DESI1: variants seen among roughly 807,000 people sequenced by gnomAD.
The protein encoded by DESI1 is desumoylating isopeptidase 1.
Under a neutral mutation model 22.4 loss-of-function variants are expected in DESI1, and 17 were observed. That is an observed-to-expected ratio of 0.76 (90% confidence interval 0.52 to 1.14). The LOEUF (loss-of-function observed/expected upper bound fraction) is 1.14. Ranked by LOEUF, DESI1 falls within the 50% of genes most tolerant of loss-of-function variation. The probability of loss-of-function intolerance (pLI) is 0.00; values close to 1 mark genes in which losing one functional copy is unlikely to be tolerated. For missense variants in DESI1, 177 were observed against 208.9 expected, an observed-to-expected ratio of 0.85 and a Z score of 0.94; for synonymous variants, 92 against 84.2, an observed-to-expected ratio of 1.09 and a Z score of -0.51.
chr22:41,614,450 A>C (rs984759033), intron 1 of DESI1, among the ~76,000 whole-genome samples: 1 of 151,276 alleles, frequency 6.6e-6, no homozygotes, highest in Non-Finnish European at 1.5e-5. Context: ...ACAGAGTCTC[A>C]CTTTGTTTCC....
Position 41,620,957 on chromosome 22 carries a change from G to T in DESI1, c.-118C>A. On this transcript the variant is annotated 5_prime_UTR_variant, in exon 1 of 6. Transcript: ENST00000263256. ...AGAGGGGGGGACCGAGCCCGGGCCC[G>T]GGCTGAGGGGTGGGGGAGAGGCCGC... 8.7e-7 allele frequency: 1 copy of T among 1,144,976 alleles called. No homozygotes were observed. Among genetic ancestry groups the T allele is most frequent in the Non-Finnish European group, 1.2e-6 (1 of 808,144 alleles). 70.9% of individuals were successfully genotyped at this position (1,144,976 alleles called of 1,614,324 possible). A position where few individuals can be genotyped will look rare whatever the true frequency, so the allele number is the denominator to read the frequency against.
chr22:41,603,749 C>T (rs948782609), intron 4 of DESI1, among the ~76,000 whole-genome samples: 6 of 152,214 alleles, frequency 3.9e-5, no homozygotes, highest in Non-Finnish European at 8.8e-5. Flanking sequence ...TTTCCTTCTG[C>T]AAACTTGGCC....
intron 3 of DESI1, among the ~76,000 whole-genome samples, chr22:41,606,053 C>T (rs1440027020): frequency 6.6e-6 from 1 of 152,076 alleles, no homozygotes. Context: ...GAGTCAGAGA[C>T]CAGATCAGGT....
At chr22:41,610,333 C>T (rs1412874356) in intron 1 of DESI1, among the ~76,000 whole-genome samples, 7 of 149,782 alleles carry the variant, frequency 4.7e-5, no homozygotes, top group Admixed American at 3.3e-4. Flanking sequence ...GAGCCGAGAT[C>T]GTGCCACTAC....
At position 41,620,785 on chromosome 22, in the gene DESI1, C is replaced by G. The variant is rs372740696; in HGVS notation, c.55G>C (p.Gly19Arg). ...ATGGGGCTGAGCCGCCGGGCCAGGC[C>G]TTTGGACAGGTCGTACACGTAGAGC... The part of the protein sequence containing the change: ...VKLYVYDLSK[G>R]LARRLSPIML... The change falls in exon 1 of 6, where the codon GGC becomes CGC. Residue 19 changes from glycine (G) to arginine (R), a missense_variant. Coordinates refer to ENST00000263256, the MANE Select transcript of DESI1 (RefSeq NM_015704.3). 8 of 1,612,702 alleles carry G rather than the reference C, an allele frequency of 5.0e-6. No homozygotes were observed. The Admixed American group carries it at 1.3e-4, about 27-fold the overall frequency.
At chr22:41,620,619 C>T in intron 1 of DESI1, 133 bp downstream of exon 1, 1 of 847,400 alleles carries the variant, frequency 1.2e-6, no homozygotes, top group Non-Finnish European at 1.8e-6. Flanking sequence ...CTCTCTTCTC[C>T]ACTCGGCTTT....
chr22:41,607,384 A>G, intron 2 of DESI1, 53 bp from the exon 3 acceptor site: 2 of 1,545,200 alleles, frequency 1.3e-6, no homozygotes, highest in Non-Finnish European at 1.8e-6. Context: ...TTTTGAGAAA[A>G]AGCAAACACC....
At chr22:41,602,572 A>G (rs1601507986) in intron 5 of DESI1, 1 of 985,488 alleles carries the variant, frequency 1.0e-6, no homozygotes, top group African/African-American at 1.7e-5. Flanking sequence ...CTGAGTCAGA[A>G]TAAGCAAATA....
intron 5 of DESI1, among the ~76,000 whole-genome samples, 166 bp from the exon 6 acceptor site, chr22:41,601,356 C>G (rs2067449024): frequency 6.6e-6 from 1 of 152,200 alleles, no homozygotes; most frequent in Admixed American, 6.5e-5. Flanking sequence ...AGTTTCCCAC[C>G]TGCCTCACAC....
chr22:41,616,215 C>G (rs747433475), intron 1 of DESI1, among the ~76,000 whole-genome samples: 17 of 152,156 alleles, frequency 1.1e-4, no homozygotes, highest in Non-Finnish European at 2.2e-4. Flanking sequence ...TACACTCCAG[C>G]CTGGGCAACA....
chr22:41,620,957 GGGCTGA>G lies in DESI1; in HGVS notation c.-124_-119del. ...AGAGGGGGGGACCGAGCCCGGGCCC[GGGCTGA>G]GGGGTGGGGGAGAGGCCGCCCTGCG... is the stretch of plus-strand genomic sequence containing the variant. On this transcript the variant is annotated 5_prime_UTR_variant, in exon 1 of 6. Transcript: ENST00000263256. The G allele has an allele frequency of 8.7e-7, 1 of 1,144,978 alleles. No individual in the cohort carries two copies. The highest frequency in any genetic ancestry group is 2.7e-5 in the East Asian group (1 of 37,390). The allele number at this position is 1,144,978 out of a possible 1,614,324, so 70.9% of individuals were successfully genotyped here.
rs377272728 is a variant in DESI1 at position 41,617,817 on chromosome 22, C to T, written c.88+2935G>A. Among the ~76,000 whole-genome samples the T allele has an allele frequency of 5.3e-5, 8 of 152,174 alleles. No homozygotes were observed. In the East Asian group the frequency reaches 9.6e-4, roughly 18 times the overall value. ...AGGACTTTACATCTATATAAAAGGG[C>T]GGGGAGTGGGAAGGGGGCAGGTCTA... On this transcript the variant is annotated intron_variant, in intron 1 of 5. Transcript: ENST00000263256.
intron 1 of DESI1, 120 bp from the exon 2 acceptor site, chr22:41,607,981 T>C: frequency 9.2e-7 from 1 of 1,084,468 alleles, no homozygotes; most frequent in Non-Finnish European, 1.4e-6. Context: ...TGAGGGACTT[T>C]CTAGGAATGC....
intron 1 of DESI1, among the ~76,000 whole-genome samples, chr22:41,609,859 G>T (rs1376229319): frequency 7.0e-6 from 1 of 142,088 alleles, no homozygotes; most frequent in African/African-American, 2.6e-5. Flanking sequence ...AGGCCGAGGC[G>T]GGCAGATCAC....
chr22:41,620,902 C>T lies in DESI1; in HGVS notation c.-63G>A. The T allele has an allele frequency of 1.3e-6, 2 of 1,556,294 alleles. No homozygotes were observed. Among genetic ancestry groups the T allele is most frequent in the Non-Finnish European group, 1.7e-6 (2 of 1,148,122 alleles). On this transcript the variant is annotated 5_prime_UTR_variant, in exon 1 of 6. Coordinates refer to ENST00000263256, the MANE Select transcript of DESI1 (RefSeq NM_015704.3). ...GCACCCGGCAGCGGCTTGGACCTTC[C>T]CGTACCCGACGGGAGTGCGAAGCGG...
rs2067434487 is a variant in DESI1, at chr22:41,598,857, A to C, written c.*2240T>G. 6.6e-6 allele frequency: 1 copy of C among 152,336 alleles called. No homozygotes were observed. The highest frequency in any genetic ancestry group is 2.4e-5 in the African/African-American group (1 of 41,478). 9.4% of individuals were successfully genotyped at this position (152,336 alleles called of 1,614,324 possible). ...CTTTCTCTTTGGGCCCAATTCTGCT[A>C]GTAGATCACGATTATACAACAGTCC... On this transcript the variant is annotated 3_prime_UTR_variant, in exon 6 of 6. Coordinates refer to ENST00000263256, the MANE Select transcript of DESI1 (RefSeq NM_015704.3).
rs1425453791 is a variant in DESI1, at chr22:41,621,033, G to A, written c.-194C>T. On this transcript the variant is annotated 5_prime_UTR_variant, in exon 1 of 6. Coordinates refer to ENST00000263256, the MANE Select transcript of DESI1 (RefSeq NM_015704.3). ...CGCTACCGGCAACGACTACTGTGAG[G>A]TGACAGAGAGGGGACAGGGAGGGCC... 9.9e-6 allele frequency: 6 copies of A among 605,556 alleles called. No homozygotes were observed. The highest frequency in any genetic ancestry group is 9.7e-5 in the African/African-American group (5 of 51,738). The allele number at this position is 605,556 out of a possible 1,614,324, so 37.5% of individuals were successfully genotyped here.
intron 5 of DESI1, chr22:41,602,968 G>C: frequency 1.8e-6 from 1 of 570,770 alleles, no homozygotes; most frequent in Non-Finnish European, 2.7e-6. Flanking sequence ...GAGCACAATG[G>C]GAAGGACAGA....
At chr22:41,611,789 C>T (rs1218336923) in intron 1 of DESI1, among the ~76,000 whole-genome samples, 1 of 151,926 alleles carries the variant, frequency 6.6e-6, no homozygotes, top group Non-Finnish European at 1.5e-5. Context: ...TATGGGGTTT[C>T]ACCATGTTGG....
Sources: allele counts gnomAD v4.1 joint callset (sites outside exome capture counted in the v4.1 genomes callset), GRCh38; gene constraint gnomAD v4.1.1; transcripts MANE v1.5; gene names NCBI Gene and HGNC (gene_info 2026-07-23, HGNC 2026-07-21).